ATOH8: variants seen among roughly 807,000 people sequenced by gnomAD.
ATOH8 encodes the protein atonal bHLH transcription factor 8.
Under a neutral mutation model 21.2 loss-of-function variants are expected in ATOH8, and 9 were observed. The ratio of observed to expected loss-of-function variants is 0.42; its 90% CI spans 0.26 to 0.74. The LOEUF is 0.74. Ranked by LOEUF, ATOH8 falls within the 30% of genes least tolerant of loss-of-function variation. The pLI, the probability that ATOH8 is intolerant of heterozygous loss-of-function variation, is 0.24. For missense variants in ATOH8, 524 were observed against 470.9 expected (o/e 1.11, Z -1.04); for synonymous variants, 253 against 224.0 (o/e 1.13, Z -1.16).
At chr2:85,755,068 C>T in intron 1 of ATOH8, 111 bp downstream of exon 1, 3 of 1,370,682 alleles carry the variant, frequency 2.2e-6, no homozygotes, top group Non-Finnish European at 2.9e-6. Flanking sequence ...GCTGCCCCGC[C>T]CGGTCCGACC....
At chr2:85,786,760 A>G (rs1451980296) in intron 2 of ATOH8, 125 bp from the exon 3 acceptor site, 1 of 1,277,582 alleles carries the variant, frequency 7.8e-7, no homozygotes, top group Non-Finnish European at 1.1e-6. Flanking sequence ...TCTTCCACTT[A>G]TCGAACCCTT....
intron 2 of ATOH8, among the ~76,000 whole-genome samples, chr2:85,765,762 G>A (rs1679998384): frequency 6.6e-6 from 1 of 152,192 alleles, no homozygotes; most frequent in South Asian, 2.1e-4. Flanking sequence ...CGCCTTCCCG[G>A]GTTCTTTGAA....
intron 2 of ATOH8, among the ~76,000 whole-genome samples, chr2:85,778,987 T>C (rs1680410407): frequency 6.6e-6 from 1 of 151,856 alleles, no homozygotes; most frequent in African/African-American, 2.4e-5. Flanking sequence ...CCCCTCCTGC[T>C]TGAGTGCCCC....
intron 2 of ATOH8, among the ~76,000 whole-genome samples, chr2:85,769,313 A>G (rs1167062341): frequency 1.3e-5 from 2 of 152,228 alleles, no homozygotes; most frequent in African/African-American, 4.8e-5. Flanking sequence ...CTGGTTTTGC[A>G]TGGGAGACAA....
At chr2:85,783,117 A>G (rs962535783) in intron 2 of ATOH8, among the ~76,000 whole-genome samples, 2 of 152,214 alleles carry the variant, frequency 1.3e-5, no homozygotes, top group Non-Finnish European at 2.9e-5. Context: ...GTGAACAGAT[A>G]AAAAGATGAT....
chr2:85,781,125 C>T (rs1057039124), intron 2 of ATOH8: 2 of 969,370 alleles, frequency 2.1e-6, no homozygotes, highest in African/African-American at 3.5e-5. Flanking sequence ...GCTTATGATG[C>T]AGCTTGTACA....
At position 85,754,804 on chromosome 2, in the gene ATOH8, T is replaced by C; in HGVS notation, c.615T>C (p.Asp205=). 6.2e-7 allele frequency: 1 copy of C among 1,612,866 alleles called. No individual in the cohort carries two copies. Among genetic ancestry groups the C allele is most frequent in the Non-Finnish European group, 8.5e-7 (1 of 1,179,884 alleles). The change falls in exon 1 of 3, where the codon GAT becomes GAC. Residue 205 remains aspartate, a synonymous_variant. Coordinates refer to ENST00000306279, the MANE Select transcript of ATOH8 (RefSeq NM_032827.7). ...ISHVIYNNHQ[D]SSASPRKRPG... ...ACGTAATTTACAATAACCACCAGGA[T>C]TCCTCCGCGTCGCCTAGGAAACGAC...
chr2:85,774,955 C>T (rs1680283511), intron 2 of ATOH8: 1 of 982,986 alleles, frequency 1.0e-6, no homozygotes, highest in Non-Finnish European at 1.2e-6. Context: ...AACCCCAGCT[C>T]CTTCCTCAGG....
At chr2:85,755,049 A>C in intron 1 of ATOH8, 92 bp downstream of exon 1, 1 of 1,445,164 alleles carries the variant, frequency 6.9e-7, no homozygotes, top group Non-Finnish European at 9.1e-7. Flanking sequence ...AGGTGTGTTT[A>C]AGGGGCAAGC....
chr2:85,782,783 C>T (rs1324199978), intron 2 of ATOH8, among the ~76,000 whole-genome samples: 1 of 152,188 alleles, frequency 6.6e-6, no homozygotes, highest in Admixed American at 6.5e-5. Context: ...GCAACCTTTG[C>T]CTCCTGGGTT....
chr2:85,766,770 TGC>T lies in ATOH8; in HGVS notation c.960+2589_960+2590del. Among the ~76,000 whole-genome samples, 2 of 152,184 alleles carry T rather than the reference TGC, an allele frequency of 1.3e-5. No homozygotes were observed. Among genetic ancestry groups the T allele is most frequent in the Non-Finnish European group, 2.9e-5 (2 of 68,030 alleles). ...CCTGTGTCCCGCTTCTGGGCACCTA[TGC>T]TTTTGCGGTCATAATTGCTAGCTGT... On this transcript the variant is annotated intron_variant, in intron 2 of 2. Coordinates refer to ENST00000306279, the MANE Select transcript of ATOH8 (RefSeq NM_032827.7). This position sits in a 1 kb window ranked among gnomAD's most constrained non-coding sequence, Gnocchi z 4.0.
At chr2:85,773,341 A>C in intron 2 of ATOH8, 1 of 157,880 alleles carries the variant, frequency 6.3e-6, no homozygotes, top group Non-Finnish European at 1.4e-5. Flanking sequence ...GAACCTGGGC[A>C]CCTCCTGGGA....
At position 85,769,213 on chromosome 2, in the gene ATOH8, C is replaced by T. The variant is rs537245743; in HGVS notation, c.960+5031C>T. On this transcript the variant is annotated intron_variant, in intron 2 of 2. Transcript: ENST00000306279. Reference sequence around the variant, plus strand: ...AAGCCATCAGGTAGTATAATACTAACTACAACAACAGCTACTCAAATTGAT... The same window carrying T: ...AAGCCATCAGGTAGTATAATACTAATTACAACAACAGCTACTCAAATTGAT... Among the ~76,000 whole-genome samples the T allele has an allele frequency of 3.1e-4, 47 of 152,360 alleles. No homozygotes were observed. The South Asian group carries it at 8.5e-3, about 28-fold the overall frequency.
At chr2:85,774,734 T>A (rs1490331229) in intron 2 of ATOH8, 3 of 985,500 alleles carry the variant, frequency 3.0e-6, no homozygotes, top group East Asian at 2.3e-4. Flanking sequence ...GAACACCTGA[T>A]AGGCCCCCCA....
chr2:85,772,735 C>T (rs148806675), intron 2 of ATOH8: 9 of 457,070 alleles, frequency 2.0e-5, no homozygotes, highest in East Asian at 6.9e-5. Flanking sequence ...CAGGACTGGA[C>T]GCCGTAAAAG....
In ATOH8 at chr2:85,754,679, G is replaced by A; in HGVS notation, c.490G>A (p.Ala164Thr). 6.4e-7 allele frequency: 1 copy of A among 1,571,352 alleles called. No homozygotes were observed. The highest frequency in any genetic ancestry group is 8.6e-7 in the Non-Finnish European group (1 of 1,160,576). ...GCTGTGCGCACCGCCCGCGCGCCCC[G>A]CGCCGTCAGCACCCCCAGCACCGCC... ...ILLCAPPARP[A>T]PSAPPAPPAP... The change falls in exon 1 of 3, where the codon GCG becomes ACG. Residue 164 changes from alanine (A) to threonine (T), a missense_variant. Physicochemically the swap from Ala to Thr is moderately conservative, Grantham distance 58. Transcript: ENST00000306279.
Position 85,754,419 on chromosome 2 carries a change from C to T in ATOH8, c.230C>T (p.Pro77Leu), listed in dbSNP as rs2104487156. ...CCGGTCCCGGTACCGGTGCCGGTGC[C>T]AGTCCCAGTGGCGCCGGCCGTTCCC... ...LQPVPVPVPV[P>L]VPVAPAVPPR... The change falls in exon 1 of 3, where the codon CCA becomes CTA. Residue 77 changes from proline (P) to leucine (L), a missense_variant. Transcript: ENST00000306279. The T allele has an allele frequency of 5.2e-6, 8 of 1,553,300 alleles. No homozygotes were observed. The African/African-American group carries it at 5.7e-5, about 11-fold the overall frequency.
At chr2:85,780,903 A>G (rs1465516689) in intron 2 of ATOH8, 1 of 986,194 alleles carries the variant, frequency 1.0e-6, no homozygotes, top group Non-Finnish European at 1.2e-6. Context: ...CCTGTCACCC[A>G]TGGCACCCAG....
At chr2:85,774,690 C>T (rs1473783558) in intron 2 of ATOH8, 1 of 985,336 alleles carries the variant, frequency 1.0e-6, no homozygotes, top group Non-Finnish European at 1.2e-6. Context: ...CTAGGGGGCT[C>T]CCTACAGGCC....
Sources: allele counts gnomAD v4.1 joint callset (sites outside exome capture counted in the v4.1 genomes callset), GRCh38; gene constraint gnomAD v4.1.1; non-coding constraint Gnocchi (gnomAD v3.1); transcripts MANE v1.5; gene names NCBI Gene and HGNC (gene_info 2026-07-23, HGNC 2026-07-21).